Variants in MTPN observed in about 807,000 individuals in gnomAD.
MTPN encodes myotrophin.
Under a neutral mutation model 13.5 loss-of-function variants are expected in MTPN, and 2 were observed. The observed-to-expected ratio is 0.15, with a 90% CI of 0.06 to 0.47. The LOEUF (loss-of-function observed/expected upper bound fraction) is 0.47. Among genes scored for constraint, MTPN ranks in the 20% least tolerant of loss-of-function variants. MTPN has a pLI of 0.97. For synonymous variants in MTPN, 46 were observed against 51.7 expected, an observed-to-expected ratio of 0.89 and a Z score of 0.48; for missense variants, 79 against 137.9, an observed-to-expected ratio of 0.57 and a Z score of 2.14.
intron 3 of MTPN, among the ~76,000 whole-genome samples, chr7:135,944,353 T>C (rs1799256452): frequency 6.6e-6 from 1 of 152,236 alleles, no homozygotes; most frequent in African/African-American, 2.4e-5. Flanking sequence ...TAATCTTCAA[T>C]ATTATATGTA....
chr7:135,959,954 T>C (rs1301908314), intron 1 of MTPN, among the ~76,000 whole-genome samples: 2 of 152,100 alleles, frequency 1.3e-5, no homozygotes, highest in Non-Finnish European at 2.9e-5. Context: ...AGTTGTTTTT[T>C]CCTTCTAGTA....
chr7:135,962,939 C>CA (rs1387378372), intron 1 of MTPN, among the ~76,000 whole-genome samples: 2 of 151,984 alleles, frequency 1.3e-5, no homozygotes, highest in Non-Finnish European at 2.9e-5. Flanking sequence ...GATATGTACG[C>CA]ATTGCTGCCA....
intron 1 of MTPN, among the ~76,000 whole-genome samples, chr7:135,961,951 G>T (rs1413031721): frequency 6.6e-6 from 1 of 151,952 alleles, no homozygotes; most frequent in Admixed American, 6.6e-5. Context: ...CTGAAGAACG[G>T]CAAGAAAACA....
At chr7:135,944,907 T>A (rs1310791110) in intron 3 of MTPN, among the ~76,000 whole-genome samples, 2 of 152,188 alleles carry the variant, frequency 1.3e-5, no homozygotes, top group African/African-American at 4.8e-5. Context: ...CAAGGGAATT[T>A]CATCATTGTG....
chr7:135,962,279 G>C (rs1347516307), intron 1 of MTPN, among the ~76,000 whole-genome samples: 1 of 151,590 alleles, frequency 6.6e-6, no homozygotes, highest in African/African-American at 2.4e-5. Context: ...AATACCAAAA[G>C]CGTTAGCACA....
At chr7:135,940,115 T>A (rs571290556) in intron 3 of MTPN, among the ~76,000 whole-genome samples, 9 of 152,330 alleles carry the variant, frequency 5.9e-5, no homozygotes, top group African/African-American at 2.2e-4. Flanking sequence ...AACTCCATTA[T>A]CTCATGATTT....
At chr7:135,938,319 T>G (rs1197676611) in intron 3 of MTPN, among the ~76,000 whole-genome samples, 1 of 152,220 alleles carries the variant, frequency 6.6e-6, no homozygotes, top group East Asian at 1.9e-4. Flanking sequence ...TATAACCAAT[T>G]ACTTCAGAAA....
intron 1 of MTPN, among the ~76,000 whole-genome samples, chr7:135,971,008 C>CT (rs1436441961): frequency 2.0e-5 from 3 of 152,146 alleles, no homozygotes; most frequent in Admixed American, 1.3e-4. Flanking sequence ...ATCAGGACCT[C>CT]TTTTAAATTG....
chr7:135,954,738 C>G (rs780256067), intron 1 of MTPN, among the ~76,000 whole-genome samples: 1 of 152,070 alleles, frequency 6.6e-6, no homozygotes, highest in Admixed American at 6.6e-5. Context: ...GTCAGGAGAT[C>G]GAGACCATCC....
chr7:135,939,702 A>C (rs987554892), intron 3 of MTPN, among the ~76,000 whole-genome samples: 1 of 151,712 alleles, frequency 6.6e-6, no homozygotes, highest in African/African-American at 2.4e-5. Context: ...CATTGTAGTA[A>C]GGGTTTTTGT....
At chr7:135,933,851 T>G (rs759293460) in intron 3 of MTPN, among the ~76,000 whole-genome samples, 1 of 152,048 alleles carries the variant, frequency 6.6e-6, no homozygotes, top group Non-Finnish European at 1.5e-5. Flanking sequence ...GGATCACGGG[T>G]GCTAATGGTT....
intron 1 of MTPN, among the ~76,000 whole-genome samples, chr7:135,970,326 C>T (rs774063258): frequency 2.6e-4 from 40 of 152,146 alleles, no homozygotes; most frequent in Admixed American, 4.6e-4. Context: ...TGTTCACAGG[C>T]ATTGGGGAGG....
At chr7:135,939,496 C>G (rs1056387660) in intron 3 of MTPN, among the ~76,000 whole-genome samples, 6 of 149,086 alleles carry the variant, frequency 4.0e-5, no homozygotes, top group African/African-American at 1.2e-4. Flanking sequence ...CTCTTTCCCC[C>G]CTCTTCCTGT....
At chr7:135,968,776 TTAGG>T (rs1799643924) in intron 1 of MTPN, among the ~76,000 whole-genome samples, 1 of 151,636 alleles carries the variant, frequency 6.6e-6, no homozygotes, top group Non-Finnish European at 1.5e-5. Flanking sequence ...AGGTTAAGTT[TTAGG>T]TAGGTTCAAA....
In MTPN at chr7:135,929,826, T is replaced by G. The variant is rs989841735; in HGVS notation, c.*100A>C. ...TCTCCCCTCACCCCTCTTAAAGTAT[T>G]TAGCTGAAGAAGCTGGCAGATAGAG... On this transcript the variant is annotated 3_prime_UTR_variant, in exon 4 of 4. Transcript: ENST00000393085. 3 of 1,170,356 alleles carry G rather than the reference T, an allele frequency of 2.6e-6. No homozygotes were observed. The African/African-American group carries it at 4.5e-5, about 18-fold the overall frequency. The allele number at this position is 1,170,356 out of a possible 1,614,324, so 72.5% of individuals were successfully genotyped here. A position where few individuals can be genotyped will look rare whatever the true frequency, so the allele number is the denominator to read the frequency against.
intron 1 of MTPN, among the ~76,000 whole-genome samples, chr7:135,976,633 A>T (rs1466766291): frequency 6.6e-6 from 1 of 152,202 alleles, no homozygotes; most frequent in Non-Finnish European, 1.5e-5. Flanking sequence ...TACTTCATTT[A>T]GTAATGGGTA....
intron 1 of MTPN, among the ~76,000 whole-genome samples, chr7:135,972,133 G>A (rs549908197): frequency 2.0e-5 from 3 of 150,744 alleles, no homozygotes; most frequent in Non-Finnish European, 3.0e-5. Context: ...CCTCTTTCTC[G>A]TTTTCTTAAT....
chr7:135,932,628 G>A (rs1799041336), intron 3 of MTPN: 1 of 151,534 alleles, frequency 6.6e-6, no homozygotes, highest in South Asian at 2.1e-4. Flanking sequence ...AAATAGTTGA[G>A]TAATTAGAAG....
intron 3 of MTPN, among the ~76,000 whole-genome samples, chr7:135,940,438 T>C (rs1799191508): frequency 6.6e-6 from 1 of 152,204 alleles, no homozygotes; most frequent in African/African-American, 2.4e-5. Context: ...CTATAAGGTC[T>C]AACATAATAC....
Sources: gnomAD v4.1 joint callset for allele counts (sites outside exome capture counted in the v4.1 genomes callset) on GRCh38, gnomAD v4.1.1 for gene constraint, MANE v1.5 for transcripts, NCBI Gene and HGNC (gene_info 2026-07-23, HGNC 2026-07-21) for gene names.